The following PCDH15 variants were observed in gnomAD, a reference collection of about 807,000 sequenced individuals.
PCDH15 encodes protocadherin related 15, also known as protocadherin-15.
In PCDH15, 129 loss-of-function variants were observed where a neutral mutation model predicts 178.5. The observed-to-expected ratio is 0.72, with a 90% CI of 0.63 to 0.84. The LOEUF (loss-of-function observed/expected upper bound fraction) is 0.84, where lower values mean the gene tolerates loss of function less well. Ranked by LOEUF, PCDH15 falls within the 40% of genes least tolerant of loss-of-function variation. PCDH15 has a pLI of 0.00. For synonymous variants in PCDH15, 800 were observed against 732.0 expected, an observed-to-expected ratio of 1.09 and a Z score of -1.50; for missense variants, 2,230 against 2,099.9, an observed-to-expected ratio of 1.06 and a Z score of -1.21.
chr10:54,188,928 AT>A (rs1237980761), intron 11 of PCDH15, among the ~76,000 whole-genome samples: 1 of 151,976 alleles, frequency 6.6e-6, no homozygotes, highest in African/African-American at 2.4e-5. Context: ...TGACAAAAAA[AT>A]GTTATCTCCT....
chr10:54,202,865 G>A (rs34549313), intron 10 of PCDH15, among the ~76,000 whole-genome samples: 66,967 of 150,246 alleles, frequency 0.45, 17,416 homozygotes, highest in Non-Finnish European at 0.58. Context: ...AAAGATTCTC[G>A]TTCATATGTT....
At chr10:54,659,805 C>T (rs117325570) in intron 2 of PCDH15, among the ~76,000 whole-genome samples, 5 of 148,224 alleles carry the variant, frequency 3.4e-5, no homozygotes, top group Non-Finnish European at 5.9e-5. Flanking sequence ...CACACAAGTA[C>T]ATGGAATCTG....
chr10:54,630,333 C>A (rs976911649), intron 2 of PCDH15, among the ~76,000 whole-genome samples: 3 of 151,990 alleles, frequency 2.0e-5, no homozygotes, highest in African/African-American at 4.8e-5. Flanking sequence ...AACAATGAAA[C>A]AGAATAGAAA....
At chr10:53,995,591 G>A (rs1335989489) in intron 21 of PCDH15, 58 bp downstream of exon 21, 1 of 1,612,972 alleles carries the variant, frequency 6.2e-7, no homozygotes, top group Non-Finnish European at 8.5e-7. Flanking sequence ...GGTCATTTAT[G>A]AGTGTTAAGG....
At chr10:54,129,781 G>A (rs548188591) in intron 15 of PCDH15, among the ~76,000 whole-genome samples, 13 of 152,158 alleles carry the variant, frequency 8.5e-5, no homozygotes, top group African/African-American at 3.1e-4. Flanking sequence ...TATACAAAAG[G>A]TTGGCTCTCC....
Position 55,215,606 on chromosome 10 carries a change from CT to C in PCDH15, c.-155-48956del, listed in dbSNP as rs564929567. 3.0e-3 allele frequency among the ~76,000 whole-genome samples: 461 copies of C among 152,050 alleles called. 1 individual carries two copies. Among genetic ancestry groups the C allele is most frequent in the Non-Finnish European group, 5.0e-3 (343 of 67,978 alleles). On this transcript the variant is annotated intron_variant, in intron 1 of 5. Coordinates refer to the PCDH15 transcript ENST00000458638. ...GAGGGGAAAATGAAATATTGCATCACTTTTTTGCCTTATCAATGTAAATTGA... is the reference window on the plus strand; with the variant it reads ...GAGGGGAAAATGAAATATTGCATCACTTTTTGCCTTATCAATGTAAATTGA...
At chr10:54,973,827 C>A (rs1273564221) in intron 2 of PCDH15, among the ~76,000 whole-genome samples, 1 of 152,074 alleles carries the variant, frequency 6.6e-6, no homozygotes, top group Non-Finnish European at 1.5e-5. Flanking sequence ...ACACAATACA[C>A]AACCACACAC....
At chr10:54,473,410 G>C (rs1287243473) in intron 3 of PCDH15, among the ~76,000 whole-genome samples, 1 of 152,060 alleles carries the variant, frequency 6.6e-6, no homozygotes, top group Non-Finnish European at 1.5e-5. Context: ...TGAAGAAAGA[G>C]TTGGAGAGAA....
At chr10:54,966,721 G>A (rs1285051493) in intron 2 of PCDH15, among the ~76,000 whole-genome samples, 2 of 151,998 alleles carry the variant, frequency 1.3e-5, no homozygotes, top group Non-Finnish European at 2.9e-5. Context: ...GTTTTTATAA[G>A]TGGTTTCCCC....
chr10:54,891,141 A>T (rs1044831149), intron 3 of PCDH15, among the ~76,000 whole-genome samples: 7 of 152,156 alleles, frequency 4.6e-5, no homozygotes, highest in Non-Finnish European at 1.0e-4. Context: ...AAAATTCAAA[A>T]GGCAACTGAA....
chr10:55,565,069 T>C (rs533389178), intron 2 of PCDH15, among the ~76,000 whole-genome samples: 2 of 151,840 alleles, frequency 1.3e-5, no homozygotes, highest in Admixed American at 1.3e-4. Context: ...CAAGTGCACA[T>C]GGAATGTTTT....
intron 2 of PCDH15, among the ~76,000 whole-genome samples, chr10:55,070,039 T>C (rs1437773630): frequency 7.3e-5 from 11 of 151,594 alleles, no homozygotes; most frequent in East Asian, 2.0e-4. Context: ...TGATGATGAG[T>C]ATTTTTTCAT....
At chr10:54,153,680 A>G (rs1261038087) in intron 13 of PCDH15, among the ~76,000 whole-genome samples, 2 of 152,152 alleles carry the variant, frequency 1.3e-5, no homozygotes, top group African/African-American at 2.4e-5. Flanking sequence ...ATTAAAACAG[A>G]CTGAACCTGG....
In PCDH15 at chr10:54,953,110, G is replaced by A. The variant is rs545889135; in HGVS notation, c.-79-55610C>T. Among the ~76,000 whole-genome samples, 14 of 151,542 alleles carry A rather than the reference G, an allele frequency of 9.2e-5. No individual in the cohort carries two copies. The South Asian group carries it at 1.9e-3, about 20-fold the overall frequency. The stretch of plus-strand genomic sequence containing the variant: ...CACCTAGTTTCTCACCATTAAGTAC[G>A]TTAAGCATGTTAGCGCTAGTTGTTT... On this transcript the variant is annotated intron_variant, in intron 2 of 5. Coordinates refer to the PCDH15 transcript ENST00000458638.
intron 3 of PCDH15, among the ~76,000 whole-genome samples, chr10:54,426,493 C>A (rs575567630): frequency 1.1e-4 from 16 of 152,274 alleles, no homozygotes; most frequent in African/African-American, 3.4e-4. Context: ...ATCCACCTCT[C>A]CCATCCTGCT....
At chr10:54,220,601 G>A (rs897553939) in intron 9 of PCDH15, among the ~76,000 whole-genome samples, 47 of 152,014 alleles carry the variant, frequency 3.1e-4, no homozygotes, top group African/African-American at 1.1e-3. Context: ...CGAGACGGGC[G>A]GATCACGAGG....
chr10:55,180,479 G>T (rs1175382750), intron 1 of PCDH15, among the ~76,000 whole-genome samples: 1 of 152,114 alleles, frequency 6.6e-6, no homozygotes, highest in Non-Finnish European at 1.5e-5. Context: ...AGAAGCTATT[G>T]TATTAATTCA....
At chr10:54,388,279 C>A (rs1177247086) in intron 3 of PCDH15, among the ~76,000 whole-genome samples, 2 of 152,164 alleles carry the variant, frequency 1.3e-5, no homozygotes, top group African/African-American at 2.4e-5. Context: ...TTAGTCAGAA[C>A]AATAGTTGAG....
At chr10:55,143,706 C>T (rs1476581148) in intron 2 of PCDH15, among the ~76,000 whole-genome samples, 1 of 151,980 alleles carries the variant, frequency 6.6e-6, no homozygotes, top group Non-Finnish European at 1.5e-5. Context: ...TTGCATAGCA[C>T]TTTTTGAGTC....
Sources: allele counts gnomAD v4.1 joint callset (sites outside exome capture counted in the v4.1 genomes callset), GRCh38; gene constraint gnomAD v4.1.1; transcripts MANE v1.5; gene names NCBI Gene and HGNC (gene_info 2026-07-23, HGNC 2026-07-21).